DAB1: variants seen among roughly 807,000 people sequenced by gnomAD.
DAB1 encodes disabled homolog 1.
A neutral mutation model predicts 64.6 loss-of-function variants in DAB1; 15 were observed. The ratio of observed to expected loss-of-function variants is 0.23; its 90% confidence interval spans 0.16 to 0.36. The LOEUF (loss-of-function observed/expected upper bound fraction) is 0.36. Ranked by LOEUF, DAB1 falls within the 10% of genes least tolerant of loss-of-function variation. DAB1 has a pLI of 1.00. For missense variants in DAB1, 596 were observed against 706.7 expected, an observed-to-expected ratio of 0.84 and a Z score of 1.78; for synonymous variants, 235 against 251.9, an observed-to-expected ratio of 0.93 and a Z score of 0.64.
At chr1:57,054,723 C>A (rs1030269428) in intron 9 of DAB1, among the ~76,000 whole-genome samples, 3 of 152,170 alleles carry the variant, frequency 2.0e-5, no homozygotes, top group African/African-American at 7.2e-5. Context: ...CGTGATCCAC[C>A]TACCTTGGCC....
intron 6 of DAB1, among the ~76,000 whole-genome samples, chr1:57,741,959 T>C (rs1366398119): frequency 1.3e-5 from 2 of 152,224 alleles, no homozygotes; most frequent in Non-Finnish European, 2.9e-5. Context: ...TCGAGTGCTA[T>C]GTATTGGATC....
At chr1:57,712,735 C>G (rs960609679) in intron 6 of DAB1, among the ~76,000 whole-genome samples, 2 of 151,896 alleles carry the variant, frequency 1.3e-5, no homozygotes, top group African/African-American at 4.8e-5. Flanking sequence ...TATTGAAAAC[C>G]CTTGGTCTAA....
intron 5 of DAB1, among the ~76,000 whole-genome samples, chr1:58,099,533 G>A (rs821527): frequency 0.28 from 42,028 of 152,042 alleles, 7,268 homozygotes; most frequent in East Asian, 0.49. Context: ...TTCACCATTT[G>A]CTATGCGCCA....
At chr1:58,246,534 A>G (rs954976470) in intron 4 of DAB1, among the ~76,000 whole-genome samples, 13 of 152,228 alleles carry the variant, frequency 8.5e-5, no homozygotes, top group African/African-American at 3.1e-4. Context: ...TATGAAAAGC[A>G]TATGTGATAT....
chr1:57,799,412 G>T (rs760696381), intron 6 of DAB1, among the ~76,000 whole-genome samples: 35 of 152,236 alleles, frequency 2.3e-4, no homozygotes, highest in Non-Finnish European at 4.4e-4. Context: ...GATGGAACTC[G>T]CTGGGAATGT....
intron 5 of DAB1, among the ~76,000 whole-genome samples, chr1:58,066,305 G>A (rs1438322055): frequency 1.3e-5 from 2 of 152,176 alleles, no homozygotes; most frequent in Non-Finnish European, 2.9e-5. Context: ...GAAATCATGA[G>A]GAATGGGAGT....
intron 3 of DAB1, among the ~76,000 whole-genome samples, chr1:58,345,873 T>A (rs2100509914): frequency 1.3e-5 from 2 of 152,250 alleles, no homozygotes; most frequent in South Asian, 4.2e-4. Context: ...TTCCTTGGGG[T>A]TATAATGTGC....
At chr1:58,433,637 T>TTGTCTG (rs1438279279) in intron 3 of DAB1, among the ~76,000 whole-genome samples, 1 of 128,614 alleles carries the variant, frequency 7.8e-6, no homozygotes, top group Non-Finnish European at 1.7e-5. Context: ...GTGTGTGTGC[T>TTGTCTG]TGTCTGTGTC....
chr1:57,602,483 G>C (rs1409366500), intron 7 of DAB1, among the ~76,000 whole-genome samples: 1 of 152,136 alleles, frequency 6.6e-6, no homozygotes, highest in East Asian at 1.9e-4. Flanking sequence ...ACCCTGCTTG[G>C]AAAAATGTTT....
intron 7 of DAB1, among the ~76,000 whole-genome samples, chr1:57,458,219 T>A (rs1198041953): frequency 6.6e-6 from 1 of 152,170 alleles, no homozygotes; most frequent in Admixed American, 6.5e-5. Context: ...ATGAACATTT[T>A]CTGGTGGTGT....
At chr1:58,199,055 C>G (rs1023942785) in intron 4 of DAB1, among the ~76,000 whole-genome samples, 2 of 152,118 alleles carry the variant, frequency 1.3e-5, no homozygotes, top group African/African-American at 2.4e-5. Context: ...TGCAGTGAGC[C>G]AAGATTGCAC....
chr1:57,840,253 G>A (rs1652989757), intron 1 of DAB1, among the ~76,000 whole-genome samples: 2 of 152,172 alleles, frequency 1.3e-5, no homozygotes, highest in South Asian at 4.1e-4. Context: ...CTAATACTAT[G>A]TAATCAGTGT....
At chr1:57,276,759 C>G (rs1671502419) in intron 2 of DAB1, among the ~76,000 whole-genome samples, 1 of 152,184 alleles carries the variant, frequency 6.6e-6, no homozygotes, top group Admixed American at 6.5e-5. Flanking sequence ...AATCTCACAA[C>G]CTCTGGGAAG....
intron 7 of DAB1, among the ~76,000 whole-genome samples, chr1:57,581,098 C>T (rs1012364545): frequency 6.6e-6 from 1 of 152,234 alleles, no homozygotes; most frequent in African/African-American, 2.4e-5. Flanking sequence ...CAAATACCTG[C>T]TGGTTTTATC....
intron 1 of DAB1, among the ~76,000 whole-genome samples, chr1:57,851,343 C>T (rs891926912): frequency 2.0e-5 from 3 of 152,182 alleles, no homozygotes; most frequent in Non-Finnish European, 2.9e-5. Context: ...TTCACTTTGA[C>T]GTTGATTTCT....
At chr1:57,145,454 A>C (rs760539849) in intron 2 of DAB1, 25 bp from the exon 3 acceptor site, 2 of 1,613,608 alleles carry the variant, frequency 1.2e-6, no homozygotes, top group Non-Finnish European at 1.7e-6. Flanking sequence ...AGCAGATTCA[A>C]ATATGTAGCT....
At chr1:57,133,711 T>C (rs1657825501) in intron 4 of DAB1, among the ~76,000 whole-genome samples, 1 of 152,192 alleles carries the variant, frequency 6.6e-6, no homozygotes, top group Admixed American at 6.5e-5. Flanking sequence ...TTAGCTATTG[T>C]CACGTTCTGC....
At chr1:58,024,610 T>A (rs1434952320) in intron 5 of DAB1, among the ~76,000 whole-genome samples, 1 of 152,204 alleles carries the variant, frequency 6.6e-6, no homozygotes, top group African/African-American at 2.4e-5. Context: ...GCTGTTATAA[T>A]GAAGTCCTGG....
chr1:57,143,687 C>T (rs1658830811), intron 3 of DAB1, among the ~76,000 whole-genome samples: 1 of 151,926 alleles, frequency 6.6e-6, no homozygotes, highest in African/African-American at 2.4e-5. Context: ...ATATGCTAAC[C>T]TACTAGAAAT....
Sources: gnomAD v4.1 joint callset for allele counts (sites outside exome capture counted in the v4.1 genomes callset) on GRCh38, gnomAD v4.1.1 for gene constraint, MANE v1.5 for transcripts, NCBI Gene and HGNC (gene_info 2026-07-23, HGNC 2026-07-21) for gene names.